The following CNTN4 variants were observed in gnomAD, a reference collection of about 807,000 sequenced individuals.
CNTN4 encodes the protein contactin-4.
A neutral mutation model predicts 122.5 loss-of-function variants in CNTN4; 77 were observed. The observed-to-expected ratio is 0.63, with a 90% CI of 0.52 to 0.76. The LOEUF is 0.76. CNTN4 is among the 30% of genes least tolerant of loss of function. The pLI is 0.00. For missense variants in CNTN4, 1,256 were observed against 1,259.1 expected, an observed-to-expected ratio of 1.00 and a Z score of 0.04; for synonymous variants, 512 against 447.0, an observed-to-expected ratio of 1.15 and a Z score of -1.83.
At chr3:2,429,485 G>T (rs149925000) in intron 3 of CNTN4, among the ~76,000 whole-genome samples, 1 of 152,156 alleles carries the variant, frequency 6.6e-6, no homozygotes, top group Non-Finnish European at 1.5e-5. Context: ...GGTGTCAGTC[G>T]GCCCCTACTG....
At chr3:2,213,202 G>A (rs1227558706) in intron 2 of CNTN4, among the ~76,000 whole-genome samples, 1 of 152,154 alleles carries the variant, frequency 6.6e-6, no homozygotes, top group East Asian at 1.9e-4. Flanking sequence ...TTATGGATGA[G>A]GAAGTTGAGG....
chr3:2,968,625 A>G (rs1692566710), intron 13 of CNTN4, among the ~76,000 whole-genome samples: 1 of 152,184 alleles, frequency 6.6e-6, no homozygotes. Flanking sequence ...AGAAGAGTCC[A>G]CCACTACTAC....
chr3:2,193,643 A>G (rs1297910764), intron 2 of CNTN4, among the ~76,000 whole-genome samples: 1 of 152,228 alleles, frequency 6.6e-6, no homozygotes, highest in Non-Finnish European at 1.5e-5. Flanking sequence ...AAATATAATC[A>G]TGCACCACAT....
chr3:2,175,475 T>C (rs2036710211), intron 2 of CNTN4, among the ~76,000 whole-genome samples: 1 of 152,218 alleles, frequency 6.6e-6, no homozygotes, highest in Non-Finnish European at 1.5e-5. Flanking sequence ...ACACTGTTTA[T>C]ATTTGTGTAG....
At chr3:3,052,216 C>T (rs985479537) in intron 23 of CNTN4, among the ~76,000 whole-genome samples, 5 of 152,154 alleles carry the variant, frequency 3.3e-5, no homozygotes, top group East Asian at 1.9e-4. Flanking sequence ...GGAACTGGAG[C>T]GGGGTTACTG....
intron 4 of CNTN4, among the ~76,000 whole-genome samples, chr3:2,684,355 G>A (rs1486645380): frequency 6.6e-6 from 1 of 152,128 alleles, no homozygotes; most frequent in Non-Finnish European, 1.5e-5. Context: ...AGCTAGGGGA[G>A]TAAGGAAACA....
At chr3:2,233,881 TA>T (rs1263475876) in intron 2 of CNTN4, among the ~76,000 whole-genome samples, 2 of 152,164 alleles carry the variant, frequency 1.3e-5, no homozygotes, top group Non-Finnish European at 2.9e-5. Flanking sequence ...CATGCCCTTT[TA>T]AAATACGAAG....
intron 23 of CNTN4, 62 bp from the exon 24 acceptor site, chr3:3,053,745 T>A (rs1315920828): frequency 6.4e-7 from 1 of 1,551,582 alleles, no homozygotes; most frequent in Non-Finnish European, 8.9e-7. Flanking sequence ...AACAAATGAA[T>A]GCTCCATATT....
At position 2,287,528 on chromosome 3, in the gene CNTN4, G is replaced by A. The variant is rs11915219; in HGVS notation, c.-144-51650G>A. 7.1e-3 allele frequency among the ~76,000 whole-genome samples: 1,084 copies of A among 151,656 alleles called. 9 individuals are homozygous for A. Among genetic ancestry groups the A allele is most frequent in the African/African-American group, 0.022 (923 of 41,334 alleles). ...TGAGGTAGGAAGGTCACTGGTGCCC[G>A]GGAGATCAAGGCTGCAGTGAGCTGT... On this transcript the variant is annotated intron_variant, in intron 2 of 24. Transcript: ENST00000418658.
At chr3:2,857,321 G>T (rs1325708385) in intron 7 of CNTN4, among the ~76,000 whole-genome samples, 2 of 152,176 alleles carry the variant, frequency 1.3e-5, no homozygotes, top group Admixed American at 6.5e-5. Flanking sequence ...TCTATACTTG[G>T]CTGTCAAAGG....
chr3:2,364,662 T>C (rs1357214053), intron 3 of CNTN4, among the ~76,000 whole-genome samples: 2 of 152,080 alleles, frequency 1.3e-5, no homozygotes, highest in Non-Finnish European at 2.9e-5. Flanking sequence ...ATGGATACTT[T>C]ATTGCACTGA....
intron 4 of CNTN4, among the ~76,000 whole-genome samples, chr3:2,580,782 G>A (rs573998031): frequency 7.3e-4 from 111 of 152,254 alleles, no homozygotes; most frequent in Non-Finnish European, 1.1e-3. Flanking sequence ...GCCAGATACA[G>A]CACCTCAGTT....
At chr3:2,328,683 A>G (rs1311453908) in intron 2 of CNTN4, among the ~76,000 whole-genome samples, 2 of 152,144 alleles carry the variant, frequency 1.3e-5, no homozygotes, top group African/African-American at 4.8e-5. Flanking sequence ...AACAATAAAA[A>G]ATAACAAAAA....
chr3:2,549,552 C>T (rs530739937), intron 3 of CNTN4, among the ~76,000 whole-genome samples: 4 of 152,262 alleles, frequency 2.6e-5, no homozygotes, highest in African/African-American at 7.2e-5. Context: ...ATGAAGCCGA[C>T]TTGATCATGG....
chr3:2,981,526 C>T (rs568344809), intron 13 of CNTN4, among the ~76,000 whole-genome samples: 1 of 151,840 alleles, frequency 6.6e-6, no homozygotes, highest in Non-Finnish European at 1.5e-5. Context: ...ACTCCTGTAT[C>T]ACTATCCTTG....
At chr3:3,022,071 C>CAAAAAAAAAA (rs36094888) in intron 14 of CNTN4, among the ~76,000 whole-genome samples, 1 of 110,630 alleles carries the variant, frequency 9.0e-6, no homozygotes. Flanking sequence ...ACCAAGAATT[C>CAAAAAAAAAA]AAAAAAAAAA....
At chr3:2,721,786 T>C (rs903903059) in intron 4 of CNTN4, among the ~76,000 whole-genome samples, 6 of 152,314 alleles carry the variant, frequency 3.9e-5, no homozygotes, top group African/African-American at 1.4e-4. Flanking sequence ...CTGTCAACTC[T>C]ATTTGCTATG....
At position 2,534,897 on chromosome 3, in the gene CNTN4, G is replaced by A. The variant is rs577599830; in HGVS notation, c.-88-36519G>A. On this transcript the variant is annotated intron_variant, in intron 3 of 24. Coordinates refer to ENST00000418658, the MANE Select transcript of CNTN4 (RefSeq NM_175607.3). ...TGAGTTTAGGTGGCTGTGGAGAAAC[G>A]TCTTTCAAGATTTAGCATCTGAAAC... Among the ~76,000 whole-genome samples the A allele has an allele frequency of 2.7e-5, 4 of 147,466 alleles. No individual in the cohort carries two copies. In the East Asian group the frequency reaches 7.8e-4, roughly 29 times the overall value.
intron 4 of CNTN4, among the ~76,000 whole-genome samples, chr3:2,616,205 C>T (rs961209007): frequency 2.0e-5 from 3 of 149,992 alleles, no homozygotes; most frequent in Non-Finnish European, 4.4e-5. Context: ...TCCATGTGTT[C>T]TCATTGTTCA....
Sources: allele counts gnomAD v4.1 joint callset (sites outside exome capture counted in the v4.1 genomes callset), GRCh38; gene constraint gnomAD v4.1.1; transcripts MANE v1.5; gene names NCBI Gene and HGNC (gene_info 2026-07-23, HGNC 2026-07-21).